SLC1A4: variants seen among roughly 807,000 people sequenced by gnomAD.
SLC1A4 encodes the protein neutral amino acid transporter A.
SLC1A4 carries 19 observed loss-of-function variants against 37.7 expected under a neutral mutation model. That is an observed-to-expected ratio of 0.50 (90% CI 0.35 to 0.74). SLC1A4 has a LOEUF of 0.74. Ranked by LOEUF, SLC1A4 falls within the 30% of genes least tolerant of loss-of-function variation. SLC1A4 has a pLI of 0.01. For missense variants in SLC1A4, 570 were observed against 712.9 expected, an observed-to-expected ratio of 0.80 and a Z score of 2.28; for synonymous variants, 299 against 309.8, an observed-to-expected ratio of 0.97 and a Z score of 0.37.
chr2:65,020,188 A>C (rs2103683660), intron 7 of SLC1A4, among the ~76,000 whole-genome samples: 1 of 152,354 alleles, frequency 6.6e-6, no homozygotes, highest in Non-Finnish European at 1.5e-5. Context: ...AAAAGAAGGG[A>C]AACTCCCACA....
chr2:65,016,350 GA>G, intron 4 of SLC1A4, 89 bp from the exon 5 acceptor site: 1 of 1,022,816 alleles, frequency 9.8e-7, no homozygotes, highest in South Asian at 1.3e-5. Flanking sequence ...CGGCCTGGCT[GA>G]AAGTCCCTGC....
chr2:64,995,493 C>T (rs192769355), intron 1 of SLC1A4, among the ~76,000 whole-genome samples: 178 of 152,260 alleles, frequency 1.2e-3, no homozygotes, highest in Middle Eastern at 0.01. Context: ...CAGCCTTACC[C>T]TTTCCAGCTG....
At position 65,023,223 on chromosome 2, in the gene SLC1A4, T is replaced by A. The variant is rs1674496329; in HGVS notation, c.*2077T>A. 1 of 152,276 alleles carries A rather than the reference T, an allele frequency of 6.6e-6. No homozygotes were observed. Among genetic ancestry groups the A allele is most frequent in the Non-Finnish European group, 1.5e-5 (1 of 68,052 alleles). The allele number at this position is 152,276 out of a possible 1,614,324, so 9.4% of individuals were successfully genotyped here. On this transcript the variant is annotated 3_prime_UTR_variant, in exon 8 of 8. Coordinates refer to ENST00000234256, the MANE Select transcript of SLC1A4 (RefSeq NM_003038.5). ...ACATTGTTTGATTCCAAATGGTAAA[T>A]GAACACTCACTATTCTTCAGGCTTC...
intron 4 of SLC1A4, among the ~76,000 whole-genome samples, chr2:65,012,076 CTTGTTTTTTTGTT>C (rs1293598393): frequency 1.1e-4 from 16 of 149,162 alleles, no homozygotes; most frequent in African/African-American, 3.2e-4. Context: ...GCCGCTTCTA[CTTGTTTTTTTGTT>C]TTGTTTTTTT....
rs1252690288 is a variant in SLC1A4, at chr2:64,989,811, G to A, written c.168G>A (p.Ala56=). 1.2e-5 allele frequency: 19 copies of A among 1,526,276 alleles called. No homozygotes were observed. Among genetic ancestry groups the A allele is most frequent in the Non-Finnish European group, 1.7e-5 (19 of 1,140,848 alleles). 94.5% of individuals were successfully genotyped at this position (1,526,276 alleles called of 1,614,324 possible). ...LLTVSGVLAG[A]GLGAALRGLS... Reference sequence around the variant, plus strand: ...CCGTGTCCGGGGTGCTGGCGGGCGCGGGCCTGGGCGCGGCGTTGCGCGGGC... The same window carrying A: ...CCGTGTCCGGGGTGCTGGCGGGCGCAGGCCTGGGCGCGGCGTTGCGCGGGC... Residue 56 remains alanine, a synonymous_variant, in exon 1 of 8, where the codon GCG becomes GCA. Coordinates refer to ENST00000234256, the MANE Select transcript of SLC1A4 (RefSeq NM_003038.5).
chr2:65,018,473 G>A lies in SLC1A4; in HGVS notation c.1230-72G>A. ...TTTAGTTTCCAGCCACATTGCAGCTGCATGGTCTGCATTTCTCTGTGTCCA... is the reference window on the plus strand; with the variant it reads ...TTTAGTTTCCAGCCACATTGCAGCTACATGGTCTGCATTTCTCTGTGTCCA... On this transcript the variant is annotated intron_variant, in intron 6 of 7. Transcript: ENST00000234256. The surrounding 1 kb of genome is among the most constrained non-coding windows in gnomAD (Gnocchi z 4.3). The A allele has an allele frequency of 6.3e-7, 1 of 1,579,674 alleles. No homozygotes were observed. Among genetic ancestry groups the A allele is most frequent in the Non-Finnish European group, 8.6e-7 (1 of 1,160,506 alleles).
At chr2:65,003,841 A>G in intron 2 of SLC1A4, 112 bp from the exon 3 acceptor site, 1 of 759,976 alleles carries the variant, frequency 1.3e-6, no homozygotes, top group South Asian at 1.6e-5. Context: ...TGCCCAGGAC[A>G]CTCAGTGTGA....
chr2:64,989,849 G>A lies in SLC1A4; in HGVS notation c.206G>A (p.Arg69His), dbSNP rs867433938. 1 of 1,538,688 alleles carries A rather than the reference G, an allele frequency of 6.5e-7. No homozygotes were observed. Among genetic ancestry groups the A allele is most frequent in the East Asian group, 2.4e-5 (1 of 40,928 alleles). The change falls in exon 1 of 8, where the codon CGC becomes CAC. Residue 69 changes from arginine to histidine, a missense_variant. Transcript: ENST00000234256. ...GCGTTGCGCGGGCTCAGCCTGAGCC[G>A]CACGCAGGTCACCTACCTGGCCTTC... The part of the protein sequence containing the change: ...GAALRGLSLS[R>H]TQVTYLAFPG...
At chr2:65,017,335 A>G (rs570805834) in intron 5 of SLC1A4, among the ~76,000 whole-genome samples, 35 of 148,660 alleles carry the variant, frequency 2.4e-4, no homozygotes, top group African/African-American at 8.7e-4. Context: ...CCTGTCATTC[A>G]CTGGAAAACC....
intron 1 of SLC1A4, chr2:65,000,444 T>C (rs1673416064): frequency 6.6e-6 from 1 of 152,218 alleles, no homozygotes. Flanking sequence ...TGTGTCTCAA[T>C]ATATACATGC....
chr2:64,989,341 G>T (rs922921612), upstream of SLC1A4: 5 of 262,122 alleles, frequency 1.9e-5, no homozygotes, highest in African/African-American at 6.7e-5. Flanking sequence ...GGCTGGGGCC[G>T]CTGGCGCGCC....
At chr2:65,019,292 C>T (rs1446885187) in intron 7 of SLC1A4, among the ~76,000 whole-genome samples, 1 of 152,080 alleles carries the variant, frequency 6.6e-6, no homozygotes, top group Non-Finnish European at 1.5e-5. Context: ...GCCTGAGGTA[C>T]TAAAGTTGAG....
rs1006485296 is a variant in SLC1A4 at position 65,018,367 on chromosome 2, G to C, written c.1229+102G>C. 19 of 1,403,176 alleles carry C rather than the reference G, an allele frequency of 1.4e-5. No homozygotes were observed. In the Admixed American group the frequency reaches 3.9e-4, roughly 29 times the overall value. The allele number at this position is 1,403,176 out of a possible 1,614,324, so 86.9% of individuals were successfully genotyped here. A position where few individuals can be genotyped will look rare whatever the true frequency, so the allele number is the denominator to read the frequency against. ...CAACTTGGTGTCTCGCTCATAAAAT[G>C]AGGACAGTGGGGATTCATTACTTGA... is the stretch of plus-strand genomic sequence containing the variant. On this transcript the variant is annotated intron_variant, in intron 6 of 7. Coordinates refer to ENST00000234256, the MANE Select transcript of SLC1A4 (RefSeq NM_003038.5). The surrounding 1 kb of genome is among the most constrained non-coding windows in gnomAD (Gnocchi z 4.3).
intron 1 of SLC1A4, among the ~76,000 whole-genome samples, chr2:64,998,061 G>A (rs376232362): frequency 1.3e-5 from 2 of 152,042 alleles, no homozygotes; most frequent in African/African-American, 2.4e-5. Flanking sequence ...GTGAAACCCC[G>A]TCTCTACTAA....
upstream of SLC1A4, chr2:64,988,701 A>C (rs181544854): frequency 2.0e-5 from 3 of 152,424 alleles, no homozygotes; most frequent in Non-Finnish European, 4.4e-5. Flanking sequence ...CTTTGTCTCA[A>C]GGCCGGGGCC....
intron 3 of SLC1A4, among the ~76,000 whole-genome samples, chr2:65,009,427 G>A (rs1039874741): frequency 6.6e-6 from 1 of 151,636 alleles, no homozygotes; most frequent in Non-Finnish European, 1.5e-5. Context: ...AAGAAAAGTT[G>A]GAAGGAAATG....
In SLC1A4 at chr2:65,016,452, G is replaced by A. The variant is rs1462183184; in HGVS notation, c.813G>A (p.Val271=). 4 of 1,613,992 alleles carry A rather than the reference G, an allele frequency of 2.5e-6. No individual in the cohort carries two copies. The African/African-American group carries it at 5.3e-5, about 22-fold the overall frequency. Residue 271 remains valine, a synonymous_variant, in exon 5 of 8, where the codon GTG becomes GTA. Coordinates refer to ENST00000234256, the MANE Select transcript of SLC1A4 (RefSeq NM_003038.5). ...LVSWIMWYVP[V]GIMFLVGSKI... Reference sequence around the variant, plus strand: ...GCTTGTGCCCTAGGTACGTACCTGTGGGCATCATGTTCCTTGTTGGAAGCA... The same window carrying A: ...GCTTGTGCCCTAGGTACGTACCTGTAGGCATCATGTTCCTTGTTGGAAGCA...
chr2:65,016,619 G>C lies in SLC1A4; in HGVS notation c.980G>C (p.Arg327Thr), dbSNP rs757689064. 1 of 1,614,022 alleles carries C rather than the reference G, an allele frequency of 6.2e-7. No homozygotes were observed. Among genetic ancestry groups the C allele is most frequent in the African/African-American group, 1.3e-5 (1 of 74,916 alleles). The change falls in exon 5 of 8, where the codon AGA becomes ACA. Residue 327 changes from arginine (R) to threonine (T), a missense_variant. Transcript: ENST00000234256. ...YFVFTRKNPF[R>T]FLLGLLAPFA... The stretch of plus-strand genomic sequence containing the variant: ...GTTTTCACACGAAAAAACCCATTCA[G>C]ATTCCTCCTGGGCCTCCTCGCCCCA...
At chr2:65,004,348 C>G (rs915003553) in intron 3 of SLC1A4, among the ~76,000 whole-genome samples, 3 of 152,174 alleles carry the variant, frequency 2.0e-5, no homozygotes, top group Admixed American at 6.5e-5. Flanking sequence ...CTCTTGGCCT[C>G]AAGTGATTCT....
Sources: allele counts gnomAD v4.1 joint callset (sites outside exome capture counted in the v4.1 genomes callset), GRCh38; gene constraint gnomAD v4.1.1; non-coding constraint Gnocchi (gnomAD v3.1); transcripts MANE v1.5; gene names NCBI Gene and HGNC (gene_info 2026-07-23, HGNC 2026-07-21).